The following CNGB3 variants were observed in gnomAD, a reference collection of about 807,000 sequenced individuals.
The protein encoded by CNGB3 is cyclic nucleotide gated channel subunit beta 3, also known as cyclic nucleotide-gated channel beta-3.
CNGB3 carries 86 observed loss-of-function variants against 92.8 expected under a neutral mutation model. The observed-to-expected ratio is 0.93, with a 90% CI of 0.78 to 1.11. CNGB3 has a LOEUF of 1.11. Among genes scored for constraint, CNGB3 ranks in the 50% least tolerant of loss-of-function variants. CNGB3 has a pLI of 0.00. For missense variants in CNGB3, 1,026 were observed against 956.8 expected (o/e 1.07, Z -0.95); for synonymous variants, 333 against 332.7 (o/e 1.00, Z -0.01).
intron 15 of CNGB3, among the ~76,000 whole-genome samples, chr8:86,585,313 GTA>G (rs141651491): frequency 7.3e-5 from 11 of 150,280 alleles, no homozygotes; most frequent in Admixed American, 2.0e-4. Context: ...TTGTGTGTAT[GTA>G]TATATATATA....
intron 14 of CNGB3, among the ~76,000 whole-genome samples, chr8:86,608,578 T>G (rs529708786): frequency 1.3e-5 from 2 of 152,376 alleles, no homozygotes; most frequent in Non-Finnish European, 2.9e-5. Flanking sequence ...CTCCCTGTGA[T>G]GCTGTGCTTC....
intron 2 of CNGB3, among the ~76,000 whole-genome samples, chr8:86,733,379 T>C (rs1318507782): frequency 1.3e-5 from 2 of 152,260 alleles, no homozygotes; most frequent in African/African-American, 4.8e-5. Context: ...GTCTTTGCTA[T>C]TGTGAATATC....
chr8:86,645,946 T>A (rs1298858287), intron 8 of CNGB3, among the ~76,000 whole-genome samples: 1 of 151,120 alleles, frequency 6.6e-6, no homozygotes, highest in Non-Finnish European at 1.5e-5. Context: ...TAAAAATAAG[T>A]TATATGAATG....
chr8:86,700,819 A>C (rs1824541758), intron 3 of CNGB3, among the ~76,000 whole-genome samples: 1 of 151,882 alleles, frequency 6.6e-6, no homozygotes, highest in Non-Finnish European at 1.5e-5. Context: ...GTATTTTTGT[A>C]TTTAGAGACA....
intron 3 of CNGB3, among the ~76,000 whole-genome samples, chr8:86,709,170 A>G (rs914855814): frequency 3.3e-5 from 5 of 152,186 alleles, no homozygotes; most frequent in Admixed American, 1.3e-4. Context: ...GGATTAGCAC[A>G]CTAACAAAGG....
intron 3 of CNGB3, among the ~76,000 whole-genome samples, chr8:86,672,974 T>C (rs1389901772): frequency 6.6e-6 from 1 of 152,228 alleles, no homozygotes; most frequent in Non-Finnish European, 1.5e-5. Flanking sequence ...ACTAGGTCCA[T>C]AAAGCCAGAA....
chr8:86,644,006 A>G (rs929296965), intron 9 of CNGB3, 133 bp from the exon 10 acceptor site: 7 of 864,242 alleles, frequency 8.1e-6, no homozygotes, highest in African/African-American at 6.7e-5. Context: ...TCTCATTAGT[A>G]CAGTACAAAG....
intron 10 of CNGB3, among the ~76,000 whole-genome samples, chr8:86,641,476 C>A (rs1823185466): frequency 6.6e-6 from 1 of 151,920 alleles, no homozygotes; most frequent in East Asian, 1.9e-4. Context: ...TGGATCAGGA[C>A]CCCTTTCTGG....
At chr8:86,659,721 C>T (rs1050081481) in intron 6 of CNGB3, 9 of 377,136 alleles carry the variant, frequency 2.4e-5, no homozygotes, top group African/African-American at 1.9e-4. Flanking sequence ...ACTCTGCCTT[C>T]TCGGACATGA....
At chr8:86,660,620 C>A (rs753656185) in intron 6 of CNGB3, 4 of 533,796 alleles carry the variant, frequency 7.5e-6, no homozygotes, top group East Asian at 5.4e-5. Flanking sequence ...TCTGGCTTTG[C>A]CTCTGACTAA....
At chr8:86,735,275 T>C (rs541419416) in intron 2 of CNGB3, among the ~76,000 whole-genome samples, 2 of 151,146 alleles carry the variant, frequency 1.3e-5, no homozygotes, top group South Asian at 2.1e-4. Context: ...CCCGAGTAGC[T>C]GGGACTACAG....
At chr8:86,725,478 C>G (rs939156803) in intron 3 of CNGB3, among the ~76,000 whole-genome samples, 1 of 152,180 alleles carries the variant, frequency 6.6e-6, no homozygotes, top group African/African-American at 2.4e-5. Context: ...TTAAACATCT[C>G]TCTGCCAAAA....
chr8:86,736,112 A>G (rs1825247611), intron 2 of CNGB3, among the ~76,000 whole-genome samples: 1 of 152,234 alleles, frequency 6.6e-6, no homozygotes, highest in South Asian at 2.1e-4. Context: ...CATGGCAGAT[A>G]TAAATGAAAC....
In CNGB3 at chr8:86,667,113, G is replaced by A. The variant is rs1823757112; in HGVS notation, c.664C>T (p.Leu222Phe). 6.2e-7 allele frequency: 1 copy of A among 1,614,060 alleles called. No individual in the cohort carries two copies. Among genetic ancestry groups the A allele is most frequent in the South Asian group, 1.1e-5 (1 of 91,066 alleles). ...SYTDRLYLLW[L>F]LLVTLAYNWN... ...TTATAGGCAAGAGTGACAAGCAAGA[G>A]CCACAGGAGATAGAGTCGATCTGGA... The change falls in exon 6 of 18, where the codon CTC (leucine) becomes TTC (phenylalanine). Residue 222 changes from leucine (L) to phenylalanine (F), a missense_variant. Physicochemically the swap from Leu to Phe is conservative, Grantham distance 22. Transcript: ENST00000320005.
chr8:86,711,849 A>G (rs1210072577), intron 3 of CNGB3, among the ~76,000 whole-genome samples: 1 of 143,686 alleles, frequency 7.0e-6, no homozygotes, highest in African/African-American at 2.6e-5. Context: ...ATATATATAT[A>G]TATGACATAT....
intron 1 of CNGB3, among the ~76,000 whole-genome samples, chr8:86,743,022 C>T (rs1190975809): frequency 2.0e-5 from 3 of 152,120 alleles, no homozygotes; most frequent in Admixed American, 2.0e-4. Context: ...GTAACATCCC[C>T]ACCCCGGAGC....
Position 86,670,996 on chromosome 8 carries a change from C to T in CNGB3, c.441G>A (p.Lys147=), listed in dbSNP as rs769966310. 6.2e-7 allele frequency: 1 copy of T among 1,613,146 alleles called. No individual in the cohort carries two copies. Among genetic ancestry groups the T allele is most frequent in the African/African-American group, 1.3e-5 (1 of 74,844 alleles). The change falls in exon 4 of 18, where the codon AAG becomes AAA. Residue 147 remains lysine, a synonymous_variant. Transcript: ENST00000320005. The part of the protein sequence containing the change: ...KRMRQRTALY[K]KKLVEGDLSS... ...AGAGATCTCCCTCTACCAACTTTTT[C>T]TTGTAGAGGGCTGTTCTTTGACGCA...
intron 3 of CNGB3, among the ~76,000 whole-genome samples, chr8:86,679,026 T>G (rs1824030092): frequency 6.6e-6 from 1 of 152,198 alleles, no homozygotes; most frequent in Admixed American, 6.5e-5. Flanking sequence ...TTTTACCATT[T>G]TTTCTCTGTG....
chr8:86,682,805 G>A (rs1824108924), intron 3 of CNGB3, among the ~76,000 whole-genome samples: 1 of 152,188 alleles, frequency 6.6e-6, no homozygotes, highest in South Asian at 2.1e-4. Context: ...AATCAGAGTA[G>A]GGAAGGGGGA....
Sources: gnomAD v4.1 joint callset for allele counts (sites outside exome capture counted in the v4.1 genomes callset) on GRCh38, gnomAD v4.1.1 for gene constraint, MANE v1.5 for transcripts, NCBI Gene and HGNC (gene_info 2026-07-23, HGNC 2026-07-21) for gene names.